The following FUT8 variants were observed in gnomAD, a reference collection of about 807,000 sequenced individuals.
The protein encoded by FUT8 is alpha-(1,6)-fucosyltransferase.
FUT8 carries 29 observed loss-of-function variants against 71.3 expected under a neutral mutation model. The observed-to-expected ratio is 0.41, with a 90% CI of 0.30 to 0.55. FUT8 has a LOEUF of 0.55. FUT8 is among the 20% of genes least tolerant of loss of function. The pLI, the probability that FUT8 is intolerant of heterozygous loss-of-function variation, is 0.34. For missense variants in FUT8, 544 were observed against 702.1 expected (o/e 0.77, Z 2.55); for synonymous variants, 254 against 239.3 (o/e 1.06, Z -0.57).
At chr14:65,369,449 G>A in the FUT8 span, among the ~76,000 whole-genome samples, 1 of 152,146 alleles carries the variant, frequency 6.6e-6, no homozygotes, top group Non-Finnish European at 1.5e-5. This position sits in a 1 kb window ranked among gnomAD's most constrained non-coding sequence, Gnocchi z 4.6. Flanking sequence ...GAGACCTACT[G>A]AGCTGCATTC....
At chr14:65,706,281 A>G (rs1894547241) in intron 7 of FUT8, among the ~76,000 whole-genome samples, 4 of 152,174 alleles carry the variant, frequency 2.6e-5, no homozygotes, top group Admixed American at 1.3e-4. Context: ...TGTGATTCCA[A>G]AGCCCATACT....
intron 6 of FUT8, among the ~76,000 whole-genome samples, chr14:65,661,367 A>G (rs536169645): frequency 6.6e-6 from 1 of 152,288 alleles, no homozygotes; most frequent in East Asian, 1.9e-4. Context: ...TTTTATGACT[A>G]TGGACTTGAC....
At position 65,723,037 on chromosome 14, in the gene FUT8, G is replaced by A. The variant is rs567635868; in HGVS notation, c.1082+1016G>A. 2.0e-5 allele frequency among the ~76,000 whole-genome samples: 3 copies of A among 152,052 alleles called. No individual in the cohort carries two copies. In the East Asian group the frequency reaches 5.8e-4, roughly 29 times the overall value. ...TTCCATTAATATTGCTTTGGGGCCA[G>A]GCATAGTGGCTCATGCCTGTAATCA... is the stretch of plus-strand genomic sequence containing the variant. On this transcript the variant is annotated intron_variant, in intron 8 of 10. Transcript: ENST00000673929.
intron 7 of FUT8, among the ~76,000 whole-genome samples, chr14:65,706,478 G>T (rs777508152): frequency 5.5e-4 from 84 of 152,130 alleles, no homozygotes; most frequent in Non-Finnish European, 1.8e-4. Flanking sequence ...TATAAAACAG[G>T]ATTATTAACC....
At chr14:65,419,134 A>G (rs1427122584) in intron 1 of FUT8, among the ~76,000 whole-genome samples, 2 of 151,970 alleles carry the variant, frequency 1.3e-5, no homozygotes, top group African/African-American at 4.8e-5. Context: ...AGGCTGAGGC[A>G]GGAGAATCAC....
intron 2 of FUT8, among the ~76,000 whole-genome samples, chr14:65,496,381 A>T (rs953185770): frequency 1.3e-5 from 2 of 152,190 alleles, no homozygotes; most frequent in African/African-American, 2.4e-5. Flanking sequence ...AGGAACATTT[A>T]TAAGAGTATC....
chr14:65,359,653 G>A, the FUT8 span, among the ~76,000 whole-genome samples: 1 of 152,190 alleles, frequency 6.6e-6, no homozygotes, highest in East Asian at 1.9e-4. Context: ...TTATACTGTG[G>A]TCAGCATTTC....
intron 2 of FUT8, among the ~76,000 whole-genome samples, chr14:65,492,463 T>C (rs911274201): frequency 2.0e-5 from 3 of 152,210 alleles, no homozygotes; most frequent in Non-Finnish European, 2.9e-5. Context: ...TCCAGCTGTT[T>C]TTGTACGTCA....
At chr14:65,597,578 G>A (rs1034968620) in intron 3 of FUT8, among the ~76,000 whole-genome samples, 7 of 151,246 alleles carry the variant, frequency 4.6e-5, no homozygotes, top group Non-Finnish European at 8.8e-5. Context: ...AGCCGAGATC[G>A]CACCACTGCA....
intron 6 of FUT8, among the ~76,000 whole-genome samples, chr14:65,668,606 A>G (rs1892327300): frequency 6.6e-6 from 1 of 152,126 alleles, no homozygotes; most frequent in Non-Finnish European, 1.5e-5. Flanking sequence ...TAGTTCAACC[A>G]TTGGAAAGTG....
intron 7 of FUT8, among the ~76,000 whole-genome samples, chr14:65,719,500 G>A (rs1056381396): frequency 6.6e-6 from 1 of 152,058 alleles, no homozygotes; most frequent in African/African-American, 2.4e-5. Context: ...TTCCTGGATG[G>A]TCTTGATGCT....
At chr14:65,433,634 G>A (rs2065509324) in intron 1 of FUT8, among the ~76,000 whole-genome samples, 1 of 152,192 alleles carries the variant, frequency 6.6e-6, no homozygotes, top group Admixed American at 6.5e-5. Flanking sequence ...AGTACTGCCT[G>A]CACTGAAGAT....
chr14:65,534,128 T>G (rs1018276741), intron 2 of FUT8, among the ~76,000 whole-genome samples: 18 of 152,028 alleles, frequency 1.2e-4, no homozygotes, highest in African/African-American at 4.3e-4. Flanking sequence ...ACTTTTTTTT[T>G]GTCTTTGTTT....
chr14:65,551,062 C>T (rs770111829), intron 2 of FUT8, among the ~76,000 whole-genome samples: 9 of 152,098 alleles, frequency 5.9e-5, no homozygotes, highest in Non-Finnish European at 1.0e-4. Context: ...GCATAGGGTA[C>T]ACATATTTTT....
Position 65,627,894 on chromosome 14 carries a change from C to T in FUT8, c.483-1598C>T, listed in dbSNP as rs975127337. ...ACTTTAACAACTGCCTGACCATCAC[C>T]TGATGGTCGCCTGACATTGCTTGGA... On this transcript the variant is annotated intron_variant, in intron 5 of 10. Coordinates refer to ENST00000673929, the MANE Select transcript of FUT8 (RefSeq NM_001371533.1). This position sits in a 1 kb window ranked among gnomAD's most constrained non-coding sequence, Gnocchi z 4.0. Among the ~76,000 whole-genome samples, 2 of 152,088 alleles carry T rather than the reference C, an allele frequency of 1.3e-5. No individual in the cohort carries two copies. Among genetic ancestry groups the T allele is most frequent in the Non-Finnish European group, 2.9e-5 (2 of 68,006 alleles).
At chr14:65,384,714 T>TA in the FUT8 span, among the ~76,000 whole-genome samples, 4 of 152,214 alleles carry the variant, frequency 2.6e-5, no homozygotes, top group African/African-American at 9.6e-5. This position sits in a 1 kb window ranked among gnomAD's most constrained non-coding sequence, Gnocchi z 4.2. Flanking sequence ...TGGGTGCATT[T>TA]AAATGCATTT....
chr14:65,604,175 AC>A (rs1888449886), intron 3 of FUT8, among the ~76,000 whole-genome samples: 1 of 151,882 alleles, frequency 6.6e-6, no homozygotes, highest in African/African-American at 2.4e-5. Flanking sequence ...AACTCCACTG[AC>A]AGCACTAGAC....
At chr14:65,733,120 A>G (rs1398758540) in intron 9 of FUT8, 111 bp from the exon 10 acceptor site, 8 of 639,740 alleles carry the variant, frequency 1.3e-5, no homozygotes, top group Non-Finnish European at 2.1e-5. Flanking sequence ...ATTAAATGCC[A>G]TAATTAAAGG....
At chr14:65,484,286 A>G (rs1021908167) in intron 2 of FUT8, among the ~76,000 whole-genome samples, 1 of 152,184 alleles carries the variant, frequency 6.6e-6, no homozygotes, top group Non-Finnish European at 1.5e-5. Flanking sequence ...ATAATGTTGA[A>G]TAGAAAAAGA....
Sources: allele counts gnomAD v4.1 joint callset (sites outside exome capture counted in the v4.1 genomes callset), GRCh38; gene constraint gnomAD v4.1.1; non-coding constraint Gnocchi (gnomAD v3.1); transcripts MANE v1.5; gene names NCBI Gene and HGNC (gene_info 2026-07-23, HGNC 2026-07-21).